PDE8B: variants seen among roughly 807,000 people sequenced by gnomAD.
PDE8B encodes the protein phosphodiesterase 8B, also known as high affinity cAMP-specific and IBMX-insensitive 3',5'-cyclic phosphodiesterase 8B.
Under a neutral mutation model 101.3 loss-of-function variants are expected in PDE8B, and 26 were observed. That is an observed-to-expected ratio of 0.26 (90% CI 0.19 to 0.36). PDE8B has a LOEUF of 0.36. Among genes scored for constraint, PDE8B ranks in the 10% least tolerant of loss-of-function variants. The pLI is 1.00. For missense variants in PDE8B, 810 were observed against 1,163.1 expected (o/e 0.70, Z 4.42); for synonymous variants, 424 against 429.3 (o/e 0.99, Z 0.15).
intron 17 of PDE8B, among the ~76,000 whole-genome samples, chr5:77,416,962 C>T (rs183228553): frequency 3.9e-5 from 6 of 152,190 alleles, no homozygotes; most frequent in South Asian, 2.1e-4. Context: ...ACTTCAGGAA[C>T]GTCATGCAGG....
the PDE8B span, among the ~76,000 whole-genome samples, chr5:77,149,634 T>A: frequency 1.3e-5 from 2 of 152,358 alleles, no homozygotes; most frequent in African/African-American, 2.4e-5. Flanking sequence ...AGAATTTTTT[T>A]AATTTTATTT....
chr5:77,105,699 T>G, the PDE8B span: 1 of 152,208 alleles, frequency 6.6e-6, no homozygotes, highest in Non-Finnish European at 1.5e-5. Context: ...GGTAAATATG[T>G]ATTTAAATTT....
chr5:77,133,526 AAAC>A, the PDE8B span, among the ~76,000 whole-genome samples: 1 of 152,232 alleles, frequency 6.6e-6, no homozygotes, highest in African/African-American at 2.4e-5. Context: ...AGGCACAAGA[AAAC>A]AAAAAAATAA....
chr5:77,135,484 T>TC, the PDE8B span, among the ~76,000 whole-genome samples: 1 of 149,366 alleles, frequency 6.7e-6, no homozygotes, highest in African/African-American at 2.5e-5. Context: ...TTTTTTTTTT[T>TC]TTTTTTTTTT....
the PDE8B span, chr5:77,088,427 G>T: frequency 6.7e-6 from 1 of 148,698 alleles, no homozygotes; most frequent in Non-Finnish European, 1.5e-5. Context: ...CTCAGCTCTT[G>T]TCTCACCTCC....
the PDE8B span, among the ~76,000 whole-genome samples, chr5:77,117,919 T>A: frequency 2.0e-5 from 3 of 152,212 alleles, 1 homozygote; most frequent in Admixed American, 2.0e-4. Context: ...GTTCTTTTTG[T>A]TTTTTGTTTT....
intron 1 of PDE8B, chr5:77,291,907 T>C (rs907061214): frequency 3.0e-6 from 3 of 1,007,174 alleles, no homozygotes; most frequent in Admixed American, 1.9e-5. Context: ...TTATTATGAC[T>C]GTGACAGTGA....
the PDE8B span, among the ~76,000 whole-genome samples, chr5:77,121,653 G>A: frequency 2.6e-5 from 4 of 151,860 alleles, no homozygotes; most frequent in South Asian, 4.1e-4. Flanking sequence ...GACTACAGGC[G>A]TGCGCCACCA....
the PDE8B span, among the ~76,000 whole-genome samples, chr5:77,175,570 A>G: frequency 6.6e-6 from 1 of 152,116 alleles, no homozygotes; most frequent in Non-Finnish European, 1.5e-5. Context: ...TATTACAGTA[A>G]GTTGTTTTAT....
chr5:77,292,800 T>G (rs1767669831), intron 1 of PDE8B, among the ~76,000 whole-genome samples: 1 of 152,202 alleles, frequency 6.6e-6, no homozygotes, highest in Non-Finnish European at 1.5e-5. Flanking sequence ...TTACTAATAT[T>G]TTTTCTCAGT....
chr5:77,239,770 G>C (rs1475512343), intron 1 of PDE8B, among the ~76,000 whole-genome samples: 1 of 152,058 alleles, frequency 6.6e-6, no homozygotes, highest in East Asian at 1.9e-4. Flanking sequence ...TCTTAGATGA[G>C]GTTAAACACC....
intron 1 of PDE8B, among the ~76,000 whole-genome samples, chr5:77,216,404 G>T (rs1481660865): frequency 6.6e-6 from 1 of 152,186 alleles, no homozygotes; most frequent in Non-Finnish European, 1.5e-5. Flanking sequence ...GTCTTACATG[G>T]TGGCAGACGA....
At chr5:77,204,163 A>G in the PDE8B span, among the ~76,000 whole-genome samples, 2 of 150,044 alleles carry the variant, frequency 1.3e-5, no homozygotes, top group African/African-American at 4.9e-5. Flanking sequence ...TAATCCCAGC[A>G]CTTTAGGAGG....
the PDE8B span, among the ~76,000 whole-genome samples, chr5:77,152,691 G>A: frequency 7.9e-5 from 12 of 152,250 alleles, no homozygotes; most frequent in African/African-American, 2.2e-4. Context: ...GCAGCATGAC[G>A]CACACACCAC....
chr5:77,412,996 G>T lies in PDE8B; in HGVS notation c.1713-115G>T, dbSNP rs903484264. 2.0e-5 allele frequency: 17 copies of T among 852,226 alleles called. No homozygotes were observed. The Admixed American group carries it at 2.8e-4, about 14-fold the overall frequency. The allele number at this position is 852,226 out of a possible 1,614,324, so 52.8% of individuals were successfully genotyped here. ...TTAGAGGAGATGCTTTTAAACCCCT[G>T]TGTGTGTGAAGCTATCATCAGAAGA... On this transcript the variant is annotated intron_variant, in intron 16 of 21. Coordinates refer to ENST00000264917, the MANE Select transcript of PDE8B (RefSeq NM_003719.5).
the PDE8B span, among the ~76,000 whole-genome samples, chr5:77,116,526 G>C: frequency 6.6e-6 from 1 of 152,122 alleles, no homozygotes; most frequent in Non-Finnish European, 1.5e-5. Flanking sequence ...ACAGGCGTAA[G>C]CCACCACGCC....
chr5:77,317,006 A>G (rs778433460), intron 2 of PDE8B, among the ~76,000 whole-genome samples: 3 of 152,234 alleles, frequency 2.0e-5, no homozygotes, highest in South Asian at 2.1e-4. Context: ...TCATTCAAAC[A>G]TAGAGTTTGA....
chr5:77,362,828 C>T (rs1783371274), intron 10 of PDE8B, among the ~76,000 whole-genome samples: 1 of 152,212 alleles, frequency 6.6e-6, no homozygotes, highest in Admixed American at 6.5e-5. Flanking sequence ...CTGGAAAAAT[C>T]TTGGTCCCCT....
At chr5:77,297,974 T>A (rs1015786478) in intron 1 of PDE8B, among the ~76,000 whole-genome samples, 2 of 152,148 alleles carry the variant, frequency 1.3e-5, no homozygotes, top group Non-Finnish European at 2.9e-5. Context: ...TGCTCCCCAC[T>A]CCTGTCTTCA....
Sources: gnomAD v4.1 joint callset for allele counts (sites outside exome capture counted in the v4.1 genomes callset) on GRCh38, gnomAD v4.1.1 for gene constraint, MANE v1.5 for transcripts, NCBI Gene and HGNC (gene_info 2026-07-23, HGNC 2026-07-21) for gene names.